The following PTPN13 variants were observed in gnomAD, a reference collection of about 807,000 sequenced individuals.
The protein encoded by PTPN13 is protein tyrosine phosphatase non-receptor type 13, also known as tyrosine-protein phosphatase non-receptor type 13.
In PTPN13, 191 loss-of-function variants were observed where a neutral mutation model predicts 284.0. That is an observed-to-expected ratio of 0.67 (90% CI 0.60 to 0.76). The LOEUF is 0.76. PTPN13 is among the 30% of genes least tolerant of loss of function. The probability of loss-of-function intolerance (pLI) is 0.00; values close to 1 mark genes in which losing one functional copy is unlikely to be tolerated. For synonymous variants in PTPN13, 986 were observed against 1,022.3 expected (o/e 0.96, Z 0.68); for missense variants, 2,797 against 2,939.9 (o/e 0.95, Z 1.12).
chr4:86,777,012 G>A (rs552024522), intron 35 of PTPN13, among the ~76,000 whole-genome samples: 23 of 152,142 alleles, frequency 1.5e-4, no homozygotes, highest in Non-Finnish European at 3.1e-4. Context: ...TAGAACTACC[G>A]CATCTACTCA....
chr4:86,705,917 G>A (rs1310627970), intron 7 of PTPN13, among the ~76,000 whole-genome samples: 1 of 151,810 alleles, frequency 6.6e-6, no homozygotes, highest in Non-Finnish European at 1.5e-5. Flanking sequence ...TTGTTCTTTG[G>A]GTGTTCTAGG....
intron 2 of PTPN13, among the ~76,000 whole-genome samples, chr4:86,651,634 T>A (rs958699251): frequency 1.3e-5 from 2 of 152,184 alleles, no homozygotes; most frequent in African/African-American, 2.4e-5. Flanking sequence ...GATGGGAGAC[T>A]TTTTATTACT....
chr4:86,692,677 G>A (rs1471938899), intron 5 of PTPN13, among the ~76,000 whole-genome samples: 1 of 152,120 alleles, frequency 6.6e-6, no homozygotes, highest in Non-Finnish European at 1.5e-5. Flanking sequence ...ATTTCAAGCA[G>A]ATACCCTTTG....
At chr4:86,652,192 C>T (rs2148811546) in intron 2 of PTPN13, among the ~76,000 whole-genome samples, 1 of 151,486 alleles carries the variant, frequency 6.6e-6, no homozygotes, top group East Asian at 1.9e-4. Flanking sequence ...TCTTTCTTTT[C>T]TTCTAATTTT....
intron 20 of PTPN13, 110 bp downstream of exon 20, chr4:86,753,175 C>A: frequency 2.8e-6 from 2 of 716,974 alleles, no homozygotes; most frequent in Non-Finnish European, 4.4e-6. Flanking sequence ...AGGATTTGAT[C>A]TTACATTGAA....
At chr4:86,733,708 T>C (rs2149134080) in intron 12 of PTPN13, among the ~76,000 whole-genome samples, 1 of 152,256 alleles carries the variant, frequency 6.6e-6, no homozygotes, top group East Asian at 1.9e-4. Flanking sequence ...AAATATCTAT[T>C]TATACTATAC....
chr4:86,675,492 A>C (rs929965529), intron 3 of PTPN13, among the ~76,000 whole-genome samples: 1 of 152,144 alleles, frequency 6.6e-6, no homozygotes, highest in African/African-American at 2.4e-5. Context: ...GCACTCAATA[A>C]ATGCTTGCTG....
chr4:86,798,958 T>C (rs1399296693), intron 41 of PTPN13, 143 bp from the exon 42 acceptor site: 2 of 559,882 alleles, frequency 3.6e-6, no homozygotes, highest in Non-Finnish European at 6.2e-6. Flanking sequence ...CATCTACCAA[T>C]AAATTTTAAG....
chr4:86,683,969 AAT>A (rs768280114), intron 3 of PTPN13, among the ~76,000 whole-genome samples: 2 of 152,194 alleles, frequency 1.3e-5, no homozygotes, highest in African/African-American at 2.4e-5. Context: ...CTTAAAGAGA[AAT>A]ATGATACAAA....
At chr4:86,616,170 G>C (rs1010867043) in intron 1 of PTPN13, among the ~76,000 whole-genome samples, 1 of 152,148 alleles carries the variant, frequency 6.6e-6, no homozygotes, top group African/African-American at 2.4e-5. Context: ...TAACAAAAGA[G>C]ACAAAATCTC....
In PTPN13 at chr4:86,728,841, A is replaced by T. The variant is rs1291099396; in HGVS notation, c.1609-3559A>T. Among the ~76,000 whole-genome samples, 15 of 146,706 alleles carry T rather than the reference A, an allele frequency of 1.0e-4. 1 individual carries two copies. The highest frequency in any genetic ancestry group is 8.9e-4 in the Admixed American group (13 of 14,596). ...TAATTGGGGCATTTAGCCCATTTAC[A>T]TTTAAGGTTAACATTGTTATGTGTG... On this transcript the variant is annotated intron_variant, in intron 10 of 47. Transcript: ENST00000411767.
chr4:86,710,272 A>G (rs536580261), intron 7 of PTPN13, among the ~76,000 whole-genome samples: 6 of 152,288 alleles, frequency 3.9e-5, no homozygotes, highest in African/African-American at 1.4e-4. Flanking sequence ...TTCTCTTCGA[A>G]ACTTGTGTCT....
At chr4:86,763,559 T>C (rs550175283) in intron 24 of PTPN13, among the ~76,000 whole-genome samples, 2 of 152,210 alleles carry the variant, frequency 1.3e-5, no homozygotes, top group Non-Finnish European at 2.9e-5. Flanking sequence ...GAATTCACTA[T>C]TTATAGTCTA....
chr4:86,777,167 TTATTA>T (rs1740752667), intron 35 of PTPN13, among the ~76,000 whole-genome samples: 1 of 152,242 alleles, frequency 6.6e-6, no homozygotes, highest in African/African-American at 2.4e-5. Context: ...CAACACAAGT[TTATTA>T]TATTAACGTT....
At chr4:86,746,419 C>A (rs1420763324) in intron 17 of PTPN13, among the ~76,000 whole-genome samples, 2 of 152,080 alleles carry the variant, frequency 1.3e-5, no homozygotes, top group African/African-American at 4.8e-5. Flanking sequence ...GTTTCACATT[C>A]AAAAAATGTT....
intron 24 of PTPN13, 74 bp from the exon 25 acceptor site, chr4:86,764,519 A>G: frequency 1.7e-6 from 2 of 1,174,290 alleles, no homozygotes. Flanking sequence ...TTAAAAAAAA[A>G]GAAATTAAAA....
Position 86,732,678 on chromosome 4 carries a change from C to A in PTPN13, c.1770C>A (p.Thr590=). 1 of 1,613,498 alleles carries A rather than the reference C, an allele frequency of 6.2e-7. No individual in the cohort carries two copies. The highest frequency in any genetic ancestry group is 8.5e-7 in the Non-Finnish European group (1 of 1,179,650). The change falls in exon 12 of 48, where the codon ACC becomes ACA. Residue 590 remains threonine, a synonymous_variant. Transcript: ENST00000411767. ...AAAGACTGGAACTGACCTGTGATACCAAAACTATATGTAAAGATGTGTTTG... is the reference window on the plus strand; with the variant it reads ...AAAGACTGGAACTGACCTGTGATACAAAAACTATATGTAAAGATGTGTTTG... The part of the protein sequence containing the change: ...NGQRLELTCD[T]KTICKDVFDM...
intron 1 of PTPN13, among the ~76,000 whole-genome samples, chr4:86,624,942 G>A (rs940868532): frequency 6.6e-6 from 1 of 152,094 alleles, no homozygotes; most frequent in Non-Finnish European, 1.5e-5. Flanking sequence ...TTCTTTGAGG[G>A]TATATATAAG....
At chr4:86,658,193 G>A (rs573481464) in intron 2 of PTPN13, among the ~76,000 whole-genome samples, 187 of 152,258 alleles carry the variant, frequency 1.2e-3, no homozygotes, top group Non-Finnish European at 2.1e-3. Flanking sequence ...AGGCATTGAC[G>A]GAATTCCTAC....
Sources: allele counts gnomAD v4.1 joint callset (sites outside exome capture counted in the v4.1 genomes callset), GRCh38; gene constraint gnomAD v4.1.1; transcripts MANE v1.5; gene names NCBI Gene and HGNC (gene_info 2026-07-23, HGNC 2026-07-21).